The following RORA variants were observed in gnomAD, a reference collection of about 807,000 sequenced individuals.
The protein encoded by RORA is nuclear receptor ROR-alpha.
A neutral mutation model predicts 69.5 loss-of-function variants in RORA; 7 were observed. The observed-to-expected ratio is 0.10, with a 90% CI of 0.06 to 0.19. The LOEUF (loss-of-function observed/expected upper bound fraction) is 0.19, where lower values mean the gene tolerates loss of function less well. Among genes scored for constraint, RORA ranks in the 10% least tolerant of loss-of-function variants. RORA has a pLI of 1.00. For synonymous variants in RORA, 261 were observed against 240.8 expected, an observed-to-expected ratio of 1.08 and a Z score of -0.78; for missense variants, 457 against 663.0, an observed-to-expected ratio of 0.69 and a Z score of 3.41.
intron 1 of RORA, among the ~76,000 whole-genome samples, chr15:60,768,134 C>T (rs1043760381): frequency 3.9e-5 from 6 of 152,310 alleles, no homozygotes; most frequent in African/African-American, 1.2e-4. Context: ...TTCTCATCCC[C>T]CATCATGACA....
At chr15:60,867,951 A>G (rs1285931850) in intron 1 of RORA, among the ~76,000 whole-genome samples, 1 of 152,174 alleles carries the variant, frequency 6.6e-6, no homozygotes, top group Non-Finnish European at 1.5e-5. Context: ...ATAGTTTTCA[A>G]TTTTACTTAC....
At chr15:60,591,611 C>T (rs1467734790) in intron 2 of RORA, among the ~76,000 whole-genome samples, 1 of 152,152 alleles carries the variant, frequency 6.6e-6, no homozygotes, top group Non-Finnish European at 1.5e-5. Context: ...CGTCGGCCCT[C>T]ACCACGGTCT....
chr15:60,578,511 C>T (rs1291084035), intron 2 of RORA, among the ~76,000 whole-genome samples: 2 of 152,176 alleles, frequency 1.3e-5, no homozygotes, highest in African/African-American at 2.4e-5. Context: ...ATATCCACAT[C>T]TGAATAATTA....
chr15:60,502,643 C>T, intron 8 of RORA, 117 bp downstream of exon 8: 1 of 734,678 alleles, frequency 1.4e-6, no homozygotes, highest in Non-Finnish European at 2.4e-6. Context: ...AGGTATAAAA[C>T]CCCTTAATTT....
At position 61,229,137 on chromosome 15, in the gene RORA, C is replaced by T. The variant is rs749032388; in HGVS notation, c.82G>A (p.Glu28Lys). 27 of 1,542,676 alleles carry T rather than the reference C, an allele frequency of 1.8e-5. No homozygotes were observed. The highest frequency in any genetic ancestry group is 6.0e-5 in the South Asian group (5 of 83,994). The change falls in exon 1 of 11, where the codon GAG becomes AAG. Residue 28 changes from glutamate to lysine, a missense_variant. Around this residue, in one of 3 missense-constraint regions of RORA, gnomAD observed 119 missense variants for 92.4 expected, o/e 1.29. Transcript: ENST00000335670. The part of the protein sequence containing the change: ...SGADAAAGSR[E>K]TPLNQESARK... The stretch of plus-strand genomic sequence containing the variant: ...GCGGATTCCTGGTTCAGCGGGGTCT[C>T]CCTGGAGCCGGCGGCCGCGTCCGCG...
chr15:61,149,516 C>T (rs2079380101), intron 1 of RORA, among the ~76,000 whole-genome samples: 1 of 152,084 alleles, frequency 6.6e-6, no homozygotes, highest in African/African-American at 2.4e-5. Flanking sequence ...TTATTTATTG[C>T]CTTTCCTATC....
chr15:60,670,289 C>T (rs1303753645), intron 2 of RORA, among the ~76,000 whole-genome samples: 2 of 151,080 alleles, frequency 1.3e-5, no homozygotes, highest in African/African-American at 4.9e-5. Flanking sequence ...AGCTTACTGC[C>T]GCTTCGGCAT....
intron 1 of RORA, among the ~76,000 whole-genome samples, chr15:60,819,378 T>G (rs1295547072): frequency 6.6e-6 from 1 of 152,212 alleles, no homozygotes; most frequent in East Asian, 1.9e-4. Context: ...AAACACCATG[T>G]GTAAGAGAAC....
chr15:60,619,537 C>T (rs1191907934), intron 2 of RORA, among the ~76,000 whole-genome samples: 1 of 152,194 alleles, frequency 6.6e-6, no homozygotes, highest in African/African-American at 2.4e-5. Flanking sequence ...AATATCATAA[C>T]ATATAAGTCA....
chr15:60,701,436 G>A (rs981578813), intron 1 of RORA, among the ~76,000 whole-genome samples: 1 of 152,170 alleles, frequency 6.6e-6, no homozygotes, highest in Non-Finnish European at 1.5e-5. Flanking sequence ...TATCTCACAG[G>A]ATCTCACAGA....
intron 1 of RORA, among the ~76,000 whole-genome samples, chr15:60,932,953 G>A (rs369594368): frequency 2.6e-5 from 4 of 152,110 alleles, no homozygotes; most frequent in Non-Finnish European, 2.9e-5. Context: ...GGCTTCCTAC[G>A]TCAGACAACC....
At chr15:60,500,207 C>T (rs1023723151) in intron 9 of RORA, among the ~76,000 whole-genome samples, 1 of 151,996 alleles carries the variant, frequency 6.6e-6, no homozygotes, top group African/African-American at 2.4e-5. Context: ...TAAACCTTTC[C>T]ATTTTTACCA....
At chr15:61,090,861 GCCC>G (rs1566983962) in intron 1 of RORA, among the ~76,000 whole-genome samples, 2 of 150,814 alleles carry the variant, frequency 1.3e-5, no homozygotes, top group Admixed American at 1.3e-4. Context: ...CCCCCAAAAC[GCCC>G]CCCAAAATTC....
At chr15:61,012,024 C>G (rs1022162289) in intron 1 of RORA, among the ~76,000 whole-genome samples, 13 of 152,232 alleles carry the variant, frequency 8.5e-5, no homozygotes, top group Non-Finnish European at 7.3e-5. Context: ...CATCCCAGGG[C>G]TGTGGAGCTT....
intron 2 of RORA, among the ~76,000 whole-genome samples, chr15:60,586,204 T>C (rs1166220929): frequency 1.3e-5 from 2 of 152,236 alleles, no homozygotes; most frequent in African/African-American, 2.4e-5. Flanking sequence ...GCTGATGTTA[T>C]CTTTAAAATT....
intron 2 of RORA, chr15:60,593,050 C>T (rs1322302571): frequency 4.8e-6 from 2 of 412,734 alleles, no homozygotes; most frequent in South Asian, 3.4e-5. Flanking sequence ...GTACGGCCCA[C>T]TTCTGGGCCG....
chr15:61,069,864 G>A (rs1018404116), intron 1 of RORA, among the ~76,000 whole-genome samples: 4 of 152,136 alleles, frequency 2.6e-5, no homozygotes, highest in Admixed American at 6.5e-5. Context: ...AGCACAACTG[G>A]CTATAATTAG....
In RORA at chr15:60,495,618, C is replaced by A. The variant is rs1595857743; in HGVS notation, c.*1837G>T. 2 of 152,258 alleles carry A rather than the reference C, an allele frequency of 1.3e-5. No homozygotes were observed. The highest frequency in any genetic ancestry group is 3.9e-4 in the East Asian group (2 of 5,174). 9.4% of individuals were successfully genotyped at this position (152,258 alleles called of 1,614,324 possible). On this transcript the variant is annotated 3_prime_UTR_variant, in exon 11 of 11. Transcript: ENST00000335670. ...CCTGTAGAAGATTCCGCAGGGACCC[C>A]AATGGCAGAGGAGACTATTTCTCAG...
chr15:61,017,224 A>G (rs1206541269), intron 1 of RORA, among the ~76,000 whole-genome samples: 1 of 152,212 alleles, frequency 6.6e-6, no homozygotes, highest in Non-Finnish European at 1.5e-5. Context: ...AATGTGAGAG[A>G]TTCAACAGAA....
Sources: allele counts gnomAD v4.1 joint callset (sites outside exome capture counted in the v4.1 genomes callset), GRCh38; gene constraint gnomAD v4.1.1; regional missense constraint gnomAD v4.1.1; transcripts MANE v1.5; gene names NCBI Gene and HGNC (gene_info 2026-07-23, HGNC 2026-07-21).